The following CEACAM3 variants were observed in gnomAD, a reference collection of about 807,000 sequenced individuals.
CEACAM3 encodes the protein cell adhesion molecule CEACAM3.
Under a neutral mutation model 30.1 loss-of-function variants are expected in CEACAM3, and 32 were observed. That is an observed-to-expected ratio of 1.06 (90% confidence interval 0.80 to 1.43). The LOEUF (loss-of-function observed/expected upper bound fraction) is 1.43, where lower values mean the gene tolerates loss of function less well. Among genes scored for constraint, CEACAM3 ranks in the 40% most tolerant of loss-of-function variants. The pLI is 0.00. For missense variants in CEACAM3, 290 were observed against 316.3 expected (o/e 0.92, Z 0.63); for synonymous variants, 134 against 127.2 (o/e 1.05, Z -0.36).
Position 41,801,840 on chromosome 19 carries a change from T to C in CEACAM3, c.424+3892T>C, listed in dbSNP as rs144058045. On this transcript the variant is annotated intron_variant, in intron 2 of 6. Transcript: ENST00000357396. ...CTCAGGTTCTACAATAGTGATATTATCTATGGGAGCAATTAGGGAAGTCAC... is the reference window on the plus strand; with the variant it reads ...CTCAGGTTCTACAATAGTGATATTACCTATGGGAGCAATTAGGGAAGTCAC... 3.0e-4 allele frequency among the ~76,000 whole-genome samples: 45 copies of C among 152,238 alleles called. No individual in the cohort carries two copies. In the East Asian group the frequency reaches 3.9e-3, roughly 13 times the overall value.
chr19:41,808,025 C>T (rs1335026916), intron 2 of CEACAM3, among the ~76,000 whole-genome samples: 2 of 152,228 alleles, frequency 1.3e-5, no homozygotes, highest in African/African-American at 4.8e-5. Context: ...CAATCACAGT[C>T]TCTGCTAAGT....
intron 1 of CEACAM3, chr19:41,797,370 G>A: frequency 3.5e-6 from 2 of 575,408 alleles, no homozygotes; most frequent in South Asian, 2.3e-5. Context: ...GCAGTGGGGA[G>A]GGAGCCATGC....
intron 2 of CEACAM3, among the ~76,000 whole-genome samples, chr19:41,799,402 T>C (rs540883932): frequency 6.6e-6 from 1 of 152,290 alleles, no homozygotes; most frequent in East Asian, 1.9e-4. Flanking sequence ...GCTTGCTGGG[T>C]CTCACCAGAA....
In CEACAM3 at chr19:41,811,253, G is replaced by A. The variant is rs782079072; in HGVS notation, c.*16G>A. On this transcript the variant is annotated 3_prime_UTR_variant, in exon 7 of 7. Coordinates refer to ENST00000357396, the MANE Select transcript of CEACAM3 (RefSeq NM_001815.5). Reference sequence around the variant, plus strand: ...GGCTTCTTAGCTTCCTCCAGGAGCTGCTCCTGTGTGTTGATGGAGAGTCCC... The same window carrying A: ...GGCTTCTTAGCTTCCTCCAGGAGCTACTCCTGTGTGTTGATGGAGAGTCCC... 6.2e-7 allele frequency: 1 copy of A among 1,611,178 alleles called. No individual in the cohort carries two copies. Among genetic ancestry groups the A allele is most frequent in the Non-Finnish European group, 8.5e-7 (1 of 1,178,092 alleles).
At chr19:41,807,795 A>AT (rs1299269413) in intron 2 of CEACAM3, among the ~76,000 whole-genome samples, 5 of 151,744 alleles carry the variant, frequency 3.3e-5, no homozygotes, top group Non-Finnish European at 4.4e-5. Context: ...CATTCCCACC[A>AT]TTTCCCCCCC....
chr19:41,810,303 A>G lies in CEACAM3; in HGVS notation c.596-20A>G. The G allele has an allele frequency of 6.3e-7, 1 of 1,597,838 alleles. No homozygotes were observed. Among genetic ancestry groups the G allele is most frequent in the East Asian group, 2.3e-5 (1 of 44,410 alleles). On this transcript the variant is annotated intron_variant, in intron 4 of 6. Coordinates refer to ENST00000357396, the MANE Select transcript of CEACAM3 (RefSeq NM_001815.5). ...AGGCTCTCCTCCCACCCTGCTGCTC[A>G]CTCCTGTCTCTGTTTCCAGGCCGTG...
chr19:41,801,419 C>A (rs901817158), intron 2 of CEACAM3, among the ~76,000 whole-genome samples: 1 of 152,182 alleles, frequency 6.6e-6, no homozygotes, highest in Non-Finnish European at 1.5e-5. Context: ...CAGGGACGAG[C>A]GACTCCTCCA....
intron 2 of CEACAM3, 133 bp from the exon 3 acceptor site, chr19:41,808,680 C>T: frequency 1.4e-6 from 1 of 702,580 alleles, no homozygotes; most frequent in Non-Finnish European, 2.4e-6. Flanking sequence ...GTGATGAGGA[C>T]AACACAAGAG....
At chr19:41,803,429 T>TGTGTGTGA (rs2073168638) in intron 2 of CEACAM3, among the ~76,000 whole-genome samples, 1 of 131,444 alleles carries the variant, frequency 7.6e-6, no homozygotes, top group East Asian at 2.2e-4. Flanking sequence ...TGTGTGTATG[T>TGTGTGTGA]GTGTGTGTGT....
chr19:41,810,593 G>GA (rs1424717201), intron 5 of CEACAM3, among the ~76,000 whole-genome samples: 2 of 152,144 alleles, frequency 1.3e-5, no homozygotes, highest in African/African-American at 4.8e-5. Flanking sequence ...GAGTGCAGCA[G>GA]GTGCAGAGTG....
intron 3 of CEACAM3, 179 bp from the exon 4 acceptor site, chr19:41,809,786 G>A: frequency 1.5e-6 from 1 of 664,704 alleles, no homozygotes; most frequent in Non-Finnish European, 2.8e-6. Flanking sequence ...GACAGATGTG[G>A]GTTCCTAAAG....
At chr19:41,802,424 C>T (rs375603195) in intron 2 of CEACAM3, among the ~76,000 whole-genome samples, 4 of 152,150 alleles carry the variant, frequency 2.6e-5, no homozygotes, top group African/African-American at 9.7e-5. Context: ...TTGGAGAGAC[C>T]GACAGGCAAA....
intron 2 of CEACAM3, among the ~76,000 whole-genome samples, chr19:41,800,185 T>A (rs1250270903): frequency 1.3e-5 from 2 of 152,130 alleles, no homozygotes; most frequent in Non-Finnish European, 2.9e-5. Context: ...AATCACAACC[T>A]AGGAAAAGCC....
intron 1 of CEACAM3, chr19:41,797,385 C>T: frequency 1.6e-6 from 1 of 636,552 alleles, no homozygotes; most frequent in Non-Finnish European, 2.7e-6. Flanking sequence ...CCATGCAGAC[C>T]CCTGGGGAAG....
At position 41,800,663 on chromosome 19, in the gene CEACAM3, A is replaced by G. The variant is rs149322611; in HGVS notation, c.424+2715A>G. The stretch of plus-strand genomic sequence containing the variant: ...CTCTGATATGCAGAAATAATGGCAT[A>G]AGCTGTCTTTCTCTTTGTCTCCTCT... On this transcript the variant is annotated intron_variant, in intron 2 of 6. Coordinates refer to ENST00000357396, the MANE Select transcript of CEACAM3 (RefSeq NM_001815.5). Among the ~76,000 whole-genome samples, 607 of 152,244 alleles carry G rather than the reference A, an allele frequency of 4.0e-3. 6 individuals are homozygous for G. The highest frequency in any genetic ancestry group is 9.6e-3 in the African/African-American group (397 of 41,540).
chr19:41,798,197 G>A (rs1030099363), intron 2 of CEACAM3, among the ~76,000 whole-genome samples: 2 of 152,176 alleles, frequency 1.3e-5, no homozygotes, highest in African/African-American at 4.8e-5. Flanking sequence ...GCAGGGCAAG[G>A]TCAGTGTCAG....
chr19:41,800,047 T>C (rs2122994187), intron 2 of CEACAM3, among the ~76,000 whole-genome samples: 1 of 152,286 alleles, frequency 6.6e-6, no homozygotes, highest in Non-Finnish European at 1.5e-5. Flanking sequence ...TGTTCCAGTA[T>C]AATAAAATAT....
At chr19:41,802,414 T>C (rs889246465) in intron 2 of CEACAM3, among the ~76,000 whole-genome samples, 1 of 152,214 alleles carries the variant, frequency 6.6e-6, no homozygotes, top group Admixed American at 6.5e-5. Flanking sequence ...GCCCCGCATA[T>C]TGGAGAGACC....
At chr19:41,807,005 G>A (rs1746382617) in intron 2 of CEACAM3, 11 of 1,542,798 alleles carry the variant, frequency 7.1e-6, no homozygotes, top group Non-Finnish European at 9.6e-6. Flanking sequence ...GTCTTTTAAG[G>A]AGTGGAGTTG....
Sources: gnomAD v4.1 joint callset for allele counts (sites outside exome capture counted in the v4.1 genomes callset) on GRCh38, gnomAD v4.1.1 for gene constraint, MANE v1.5 for transcripts, NCBI Gene and HGNC (gene_info 2026-07-23, HGNC 2026-07-21) for gene names.